The following RERE variants were observed in gnomAD, a reference collection of about 807,000 sequenced individuals.
RERE encodes arginine-glutamic acid dipeptide repeats protein.
Under a neutral mutation model 146.1 loss-of-function variants are expected in RERE, and 40 were observed. That is an observed-to-expected ratio of 0.27 (90% CI 0.21 to 0.36). RERE has a LOEUF of 0.36. Among genes scored for constraint, RERE ranks in the 10% least tolerant of loss-of-function variants. RERE has a pLI of 1.00. For synonymous variants in RERE, 1,003 were observed against 866.0 expected (o/e 1.16, Z -2.78); for missense variants, 1,933 against 2,138.7 (o/e 0.90, Z 1.90).
chr1:8,560,077 C>T (rs181860450), intron 4 of RERE, among the ~76,000 whole-genome samples: 92 of 152,306 alleles, frequency 6.0e-4, no homozygotes, highest in African/African-American at 2.1e-3. Flanking sequence ...GATAAGATTA[C>T]TCATTATAGA....
Position 8,674,718 on chromosome 1 carries a change from A to G in RERE, c.-144-18277T>C, listed in dbSNP as rs543045652. Among the ~76,000 whole-genome samples, 36 of 152,370 alleles carry G rather than the reference A, an allele frequency of 2.4e-4. No homozygotes were observed. The South Asian group carries it at 6.2e-3, about 26-fold the overall frequency. ...ACTTCCTCAATTTTGTTGTCAAGGA[A>G]AAATACGCATTTCATACTCCATTTT... On this transcript the variant is annotated intron_variant, in intron 1 of 22. Coordinates refer to ENST00000400908, the MANE Select transcript of RERE (RefSeq NM_001042681.2).
intron 1 of RERE, among the ~76,000 whole-genome samples, chr1:8,806,290 G>T (rs1641691572): frequency 6.6e-6 from 1 of 152,132 alleles, no homozygotes; most frequent in Non-Finnish European, 1.5e-5. Flanking sequence ...CCAGCACTTT[G>T]GGAGGCAGAG....
chr1:8,539,401 C>A (rs112562655), intron 7 of RERE, among the ~76,000 whole-genome samples: 1 of 87,694 alleles, frequency 1.1e-5, no homozygotes. Flanking sequence ...TCTTTCTTTT[C>A]CTTTTTTTTT....
chr1:8,412,707 G>A (rs1269312225), intron 12 of RERE, among the ~76,000 whole-genome samples: 1 of 152,232 alleles, frequency 6.6e-6, no homozygotes, highest in Admixed American at 6.5e-5. Context: ...GCAAACAGGA[G>A]AGTTGATTTA....
At chr1:8,662,370 C>T (rs1638474621) in intron 1 of RERE, among the ~76,000 whole-genome samples, 1 of 152,238 alleles carries the variant, frequency 6.6e-6, no homozygotes, top group South Asian at 2.1e-4. Context: ...TGGTCCAAAT[C>T]TCATTTAAGA....
chr1:8,474,499 A>G (rs1644728684), intron 10 of RERE, among the ~76,000 whole-genome samples: 1 of 152,064 alleles, frequency 6.6e-6, no homozygotes, highest in African/African-American at 2.4e-5. Context: ...ATTAGCATAA[A>G]CTCTGCGTAT....
chr1:8,722,745 A>C (rs945918394), intron 1 of RERE, among the ~76,000 whole-genome samples: 1 of 152,192 alleles, frequency 6.6e-6, no homozygotes, highest in Non-Finnish European at 1.5e-5. Flanking sequence ...AGACGATGTA[A>C]AGTATAAGGG....
intron 1 of RERE, among the ~76,000 whole-genome samples, chr1:8,678,820 C>T (rs1638902414): frequency 6.6e-6 from 1 of 152,186 alleles, no homozygotes; most frequent in Non-Finnish European, 1.5e-5. Flanking sequence ...AATCATGTGT[C>T]CACAAAACCA....
At chr1:8,391,085 C>T (rs188687964) in intron 12 of RERE, among the ~76,000 whole-genome samples, 1 of 152,310 alleles carries the variant, frequency 6.6e-6, no homozygotes, top group East Asian at 1.9e-4. Context: ...ACCCAAATTC[C>T]ACACTGTGTC....
At chr1:8,550,342 G>A (rs1238261256) in intron 6 of RERE, among the ~76,000 whole-genome samples, 1 of 152,128 alleles carries the variant, frequency 6.6e-6, no homozygotes, top group East Asian at 1.9e-4. Context: ...CAATTGACAG[G>A]TTATGATGTC....
chr1:8,692,587 G>T (rs1405380320), intron 1 of RERE, among the ~76,000 whole-genome samples: 1 of 152,074 alleles, frequency 6.6e-6, no homozygotes, highest in Admixed American at 6.6e-5. Flanking sequence ...GATCTCAAGT[G>T]ATCTGCCCGT....
chr1:8,453,323 C>T (rs1644410658), intron 11 of RERE, among the ~76,000 whole-genome samples: 1 of 152,166 alleles, frequency 6.6e-6, no homozygotes, highest in Non-Finnish European at 1.5e-5. Flanking sequence ...AATCCAGAGC[C>T]CACCCCACTC....
chr1:8,760,422 G>A (rs924146697), intron 1 of RERE, among the ~76,000 whole-genome samples: 1 of 152,120 alleles, frequency 6.6e-6, no homozygotes, highest in Non-Finnish European at 1.5e-5. Context: ...GCCAAAAATC[G>A]GAGATGAATT....
intron 1 of RERE, among the ~76,000 whole-genome samples, chr1:8,755,924 T>C (rs973747482): frequency 6.6e-6 from 1 of 151,822 alleles, no homozygotes; most frequent in Admixed American, 6.6e-5. Flanking sequence ...TTAAATTAAA[T>C]TGAAATTTTA....
chr1:8,757,149 T>C (rs1001814289), intron 1 of RERE, among the ~76,000 whole-genome samples: 1 of 143,576 alleles, frequency 7.0e-6, no homozygotes, highest in Admixed American at 6.9e-5. Flanking sequence ...CTCATAAAGA[T>C]GGAAGATAAT....
chr1:8,494,510 A>G (rs1375975083), intron 10 of RERE, among the ~76,000 whole-genome samples: 7 of 152,106 alleles, frequency 4.6e-5, no homozygotes, highest in Admixed American at 4.6e-4. Context: ...GAGGATCACA[A>G]GGTCAGGAGA....
intron 1 of RERE, among the ~76,000 whole-genome samples, chr1:8,811,466 G>A (rs1449469047): frequency 2.0e-5 from 3 of 152,216 alleles, no homozygotes; most frequent in African/African-American, 7.2e-5. Flanking sequence ...GCCAGGTGTA[G>A]TGGTACACAC....
chr1:8,507,737 C>CTTTTTTTTTTTTTTTTTTTTT (rs58647657), intron 8 of RERE, among the ~76,000 whole-genome samples: 5 of 85,958 alleles, frequency 5.8e-5, no homozygotes, highest in African/African-American at 2.0e-4. Flanking sequence ...CATCTTTTAT[C>CTTTTTTTTTTTTTTTTTTTTT]TTTTTTTTTT....
intron 1 of RERE, among the ~76,000 whole-genome samples, chr1:8,676,415 A>G (rs1638841226): frequency 6.6e-6 from 1 of 152,202 alleles, no homozygotes. Flanking sequence ...ATTCTGTCAC[A>G]AAACATTCTT....
Sources: gnomAD v4.1 joint callset for allele counts (sites outside exome capture counted in the v4.1 genomes callset) on GRCh38, gnomAD v4.1.1 for gene constraint, MANE v1.5 for transcripts, NCBI Gene and HGNC (gene_info 2026-07-23, HGNC 2026-07-21) for gene names.